The following INVS variants were observed in gnomAD, a reference collection of about 807,000 sequenced individuals.
INVS encodes inversin.
Under a neutral mutation model 108.8 loss-of-function variants are expected in INVS, and 86 were observed. The ratio of observed to expected loss-of-function variants is 0.79; its 90% CI spans 0.66 to 0.95. The LOEUF (loss-of-function observed/expected upper bound fraction) is 0.95. INVS is among the 40% of genes least tolerant of loss of function. The pLI is 0.00. For missense variants in INVS, 1,169 were observed against 1,297.4 expected (o/e 0.90, Z 1.52); for synonymous variants, 455 against 473.5 (o/e 0.96, Z 0.51).
At chr9:100,243,927 C>T (rs542935620) in intron 7 of INVS, among the ~76,000 whole-genome samples, 2 of 152,192 alleles carry the variant, frequency 1.3e-5, no homozygotes, top group South Asian at 4.2e-4. Flanking sequence ...AGAAGAATCA[C>T]TTGAACCTAG....
At chr9:100,249,885 A>C (rs1051451684) in intron 8 of INVS, among the ~76,000 whole-genome samples, 7 of 151,230 alleles carry the variant, frequency 4.6e-5, no homozygotes, top group Middle Eastern at 3.4e-3. Context: ...CAGGTGGATC[A>C]CCTGAGGTCA....
intron 14 of INVS, among the ~76,000 whole-genome samples, chr9:100,296,352 C>T (rs539428841): frequency 1.1e-4 from 16 of 152,302 alleles, no homozygotes; most frequent in South Asian, 1.0e-3. Context: ...CCACCTCCAA[C>T]AGACTTATCT....
At chr9:100,211,262 G>C (rs1046917336) in intron 3 of INVS, among the ~76,000 whole-genome samples, 1 of 152,078 alleles carries the variant, frequency 6.6e-6, no homozygotes, top group Non-Finnish European at 1.5e-5. Context: ...AAATAAATCA[G>C]AGTACCTCAC....
At chr9:100,167,619 T>G (rs1197527873) in intron 3 of INVS, among the ~76,000 whole-genome samples, 2 of 152,234 alleles carry the variant, frequency 1.3e-5, no homozygotes, top group African/African-American at 4.8e-5. Context: ...CACTTAACAC[T>G]ATCTAAAATA....
intron 3 of INVS, 37 bp from the exon 4 acceptor site, chr9:100,226,025 T>C (rs761539455): frequency 1.3e-6 from 2 of 1,516,880 alleles, no homozygotes. Context: ...GACCCCATAG[T>C]ACATTTTTTT....
intron 3 of INVS, among the ~76,000 whole-genome samples, chr9:100,216,742 C>A (rs1036379980): frequency 1.3e-5 from 2 of 152,226 alleles, no homozygotes; most frequent in African/African-American, 4.8e-5. Flanking sequence ...GCCGCAACCA[C>A]ATGGTCTTTC....
chr9:100,149,258 T>G (rs571483405), intron 3 of INVS, among the ~76,000 whole-genome samples: 2 of 152,334 alleles, frequency 1.3e-5, no homozygotes, highest in South Asian at 4.1e-4. Flanking sequence ...TATGAGTTTT[T>G]GACTGTTGGT....
At chr9:100,255,344 A>G (rs1468769943) in intron 10 of INVS, among the ~76,000 whole-genome samples, 1 of 152,196 alleles carries the variant, frequency 6.6e-6, no homozygotes, top group Non-Finnish European at 1.5e-5. Flanking sequence ...TAAATATACA[A>G]TCATGTCATC....
At chr9:100,206,045 TTAA>T (rs1277908275) in intron 3 of INVS, among the ~76,000 whole-genome samples, 1 of 152,162 alleles carries the variant, frequency 6.6e-6, no homozygotes, top group Non-Finnish European at 1.5e-5. Flanking sequence ...AGATAATCTT[TTAA>T]AAGTAAACCC....
At chr9:100,115,382 GC>G (rs1461961314) in intron 2 of INVS, among the ~76,000 whole-genome samples, 2 of 151,766 alleles carry the variant, frequency 1.3e-5, no homozygotes, top group African/African-American at 4.8e-5. Flanking sequence ...GTATACATGT[GC>G]CATCTTGGTG....
At chr9:100,256,362 AC>A (rs1177349625) in intron 10 of INVS, among the ~76,000 whole-genome samples, 1 of 152,044 alleles carries the variant, frequency 6.6e-6, no homozygotes, top group East Asian at 1.9e-4. Flanking sequence ...TTTAAAAAAA[AC>A]CAGCTCCTGG....
intron 3 of INVS, among the ~76,000 whole-genome samples, chr9:100,181,714 C>G (rs887147693): frequency 1.3e-5 from 2 of 152,110 alleles, no homozygotes; most frequent in African/African-American, 4.8e-5. Flanking sequence ...AGATTCAGTG[C>G]TATCCCCATC....
chr9:100,224,550 C>G (rs894837987), intron 3 of INVS, among the ~76,000 whole-genome samples: 21 of 152,078 alleles, frequency 1.4e-4, no homozygotes, highest in Admixed American at 3.9e-4. Flanking sequence ...CCATGTTACA[C>G]AGACTTACTA....
At chr9:100,298,300 T>C in intron 16 of INVS, 1 of 1,285,124 alleles carries the variant, frequency 7.8e-7, no homozygotes, top group Non-Finnish European at 9.9e-7. Flanking sequence ...GAAAATACTG[T>C]CACTCTTCAA....
chr9:100,115,590 C>T (rs1827489835), intron 2 of INVS, among the ~76,000 whole-genome samples: 1 of 152,104 alleles, frequency 6.6e-6, no homozygotes, highest in Non-Finnish European at 1.5e-5. Flanking sequence ...TGATGGTTTC[C>T]AGCTTCATCC....
intron 3 of INVS, among the ~76,000 whole-genome samples, chr9:100,225,127 G>A (rs1047167336): frequency 2.0e-5 from 3 of 148,410 alleles, no homozygotes; most frequent in Admixed American, 6.7e-5. Context: ...GCACGATCTC[G>A]GCTCACTGCA....
chr9:100,254,234 A>G (rs7034717), intron 10 of INVS, among the ~76,000 whole-genome samples: 2,706 of 152,252 alleles, frequency 0.018, 77 homozygotes, highest in African/African-American at 0.063. Context: ...GTGTCTGTTC[A>G]TGTCCTTCGC....
At chr9:100,122,572 G>GTTT (rs1554714711) in intron 2 of INVS, among the ~76,000 whole-genome samples, 3 of 64,860 alleles carry the variant, frequency 4.6e-5, no homozygotes, top group African/African-American at 1.5e-4. Flanking sequence ...TTTTAAGTGA[G>GTTT]TTTCTTTTTT....
chr9:100,234,545 G>A (rs746010806), intron 5 of INVS, among the ~76,000 whole-genome samples: 8 of 152,036 alleles, frequency 5.3e-5, no homozygotes, highest in Non-Finnish European at 7.4e-5. Flanking sequence ...GCTGTGTCCC[G>A]CAGATTCTGG....
Sources: gnomAD v4.1 joint callset for allele counts (sites outside exome capture counted in the v4.1 genomes callset) on GRCh38, gnomAD v4.1.1 for gene constraint, MANE v1.5 for transcripts, NCBI Gene and HGNC (gene_info 2026-07-23, HGNC 2026-07-21) for gene names.